Variants in DUS2 observed in about 807,000 individuals in gnomAD.
The protein encoded by DUS2 is dihydrouridine synthase 2.
In DUS2, 52 loss-of-function variants were observed where a neutral mutation model predicts 71.3. The observed-to-expected ratio is 0.73, with a 90% confidence interval of 0.58 to 0.92. The LOEUF is 0.92. DUS2 is among the 40% of genes least tolerant of loss of function. The probability of loss-of-function intolerance (pLI) is 0.00; values close to 1 mark genes in which losing one functional copy is unlikely to be tolerated. For missense variants in DUS2, 558 were observed against 622.6 expected (o/e 0.90, Z 1.10); for synonymous variants, 204 against 227.8 (o/e 0.90, Z 0.94).
chr16:68,061,880 C>T (rs959488435), intron 8 of DUS2, among the ~76,000 whole-genome samples: 3 of 152,206 alleles, frequency 2.0e-5, no homozygotes, highest in Admixed American at 1.3e-4. Flanking sequence ...GTGCCAGCAG[C>T]CCAACCCTGC....
intron 2 of DUS2, among the ~76,000 whole-genome samples, chr16:68,029,411 G>A (rs1470758424): frequency 6.6e-6 from 1 of 151,958 alleles, no homozygotes; most frequent in African/African-American, 2.4e-5. Flanking sequence ...CCAGTGTTAG[G>A]ATTACAGGTG....
chr16:68,045,725 C>CT (rs998054175), intron 3 of DUS2, among the ~76,000 whole-genome samples: 2,318 of 132,998 alleles, frequency 0.017, 55 homozygotes, highest in African/African-American at 0.057. Context: ...ACTTTCTTTT[C>CT]TTTTTTTTTT....
At chr16:68,073,661 C>G (rs1027721253) in intron 12 of DUS2, among the ~76,000 whole-genome samples, 3 of 152,132 alleles carry the variant, frequency 2.0e-5, no homozygotes, top group Admixed American at 2.0e-4. Context: ...GTTGGTCAGG[C>G]TGGTCTTGAA....
At chr16:68,063,534 G>A (rs2033968420) in intron 8 of DUS2, among the ~76,000 whole-genome samples, 1 of 152,064 alleles carries the variant, frequency 6.6e-6, no homozygotes, top group South Asian at 2.1e-4. Context: ...GTTTAAGATG[G>A]CAAATTTCAT....
At chr16:68,023,483 G>A in intron 1 of DUS2, 132 bp downstream of exon 1, 1 of 459,886 alleles carries the variant, frequency 2.2e-6, no homozygotes, top group South Asian at 3.8e-5. Context: ...GACCATGAGG[G>A]CGGAGGGCTT....
At chr16:68,069,877 T>A (rs2034059245) in intron 10 of DUS2, among the ~76,000 whole-genome samples, 1 of 152,104 alleles carries the variant, frequency 6.6e-6, no homozygotes, top group Admixed American at 6.5e-5. Flanking sequence ...CATGCCCCCC[T>A]GCAGCCAGGC....
intron 12 of DUS2, among the ~76,000 whole-genome samples, chr16:68,073,649 A>G (rs2034117347): frequency 6.6e-6 from 1 of 152,008 alleles, no homozygotes; most frequent in Admixed American, 6.6e-5. Flanking sequence ...GGGCTTCACC[A>G]TGTTGGTCAG....
chr16:68,026,710 TTACAAAAA>T (rs2033356099), intron 2 of DUS2, among the ~76,000 whole-genome samples: 2 of 151,780 alleles, frequency 1.3e-5, no homozygotes, highest in African/African-American at 4.8e-5. Flanking sequence ...AACCCTTTCT[TTACAAAAA>T]TACAAAAATT....
At chr16:68,066,797 C>T (rs548417968) in intron 10 of DUS2, among the ~76,000 whole-genome samples, 161 bp downstream of exon 10, 2 of 152,304 alleles carry the variant, frequency 1.3e-5, no homozygotes, top group African/African-American at 4.8e-5. Context: ...GGAGGGCAGG[C>T]AGACCCTGAA....
rs765659400 is a variant in DUS2 at position 68,078,567 on chromosome 16, G to T, written c.1244+49G>T. On this transcript the variant is annotated intron_variant, in intron 16 of 16. Coordinates refer to ENST00000565263, the MANE Select transcript of DUS2 (RefSeq NM_017803.5). Reference sequence around the variant, plus strand: ...GGAGGCTTGGGGTGGGGCGGAGAGTGGGCATTCTGCCCACACATCCAGCAT... The same window carrying T: ...GGAGGCTTGGGGTGGGGCGGAGAGTTGGCATTCTGCCCACACATCCAGCAT... The T allele has an allele frequency of 1.9e-6, 3 of 1,588,234 alleles. No individual in the cohort carries two copies. The East Asian group carries it at 6.7e-5, about 35-fold the overall frequency.
At chr16:68,032,175 CCTT>C (rs1415705296) in intron 2 of DUS2, among the ~76,000 whole-genome samples, 2 of 152,150 alleles carry the variant, frequency 1.3e-5, no homozygotes, top group Admixed American at 1.3e-4. Context: ...AGAGGAGCCT[CCTT>C]AGAGGCAGGG....
At chr16:68,070,803 T>A (rs555169526) in intron 11 of DUS2, 137 bp from the exon 12 acceptor site, 2 of 809,706 alleles carry the variant, frequency 2.5e-6, no homozygotes, top group South Asian at 3.4e-5. Flanking sequence ...ATATCCACTT[T>A]ACTGAAGCTC....
At chr16:68,059,963 C>G (rs1031453208) in intron 7 of DUS2, among the ~76,000 whole-genome samples, 7 of 152,102 alleles carry the variant, frequency 4.6e-5, no homozygotes, top group Non-Finnish European at 1.5e-5. Context: ...TTGGTAGTTT[C>G]CATTTCCTGG....
Position 68,053,592 on chromosome 16 carries a change from C to G in DUS2, c.201C>G (p.Ala67=), listed in dbSNP as rs759059644. The change falls in exon 5 of 17, where the codon GCC becomes GCG. Residue 67 remains alanine, a synonymous_variant. Coordinates refer to ENST00000565263, the MANE Select transcript of DUS2 (RefSeq NM_017803.5). ...NEVLSTVDFV[A]PDDRVVFRTC... is the part of the protein sequence containing the mutation. ...TGCTCAGCACAGTGGACTTTGTCGC[C>G]CCTGATGATCGAGTTGTCTTCCGCA... 6.2e-7 allele frequency: 1 copy of G among 1,614,182 alleles called. No individual in the cohort carries two copies. The highest frequency in any genetic ancestry group is 2.2e-5 in the East Asian group (1 of 44,880).
chr16:68,042,117 A>G (rs1235626070), intron 3 of DUS2, among the ~76,000 whole-genome samples: 7 of 152,186 alleles, frequency 4.6e-5, no homozygotes, highest in Non-Finnish European at 7.3e-5. Context: ...ATCATACAAT[A>G]TTTATTGTTT....
chr16:68,050,722 T>G lies in DUS2; in HGVS notation c.172+1172T>G, dbSNP rs527919556. ...ATATTTATCTATCTCCCCACCCCAT[T>G]TGATCATACAACACGTGTTGTTTTG... On this transcript the variant is annotated intron_variant, in intron 4 of 16. Coordinates refer to ENST00000565263, the MANE Select transcript of DUS2 (RefSeq NM_017803.5). Among the ~76,000 whole-genome samples, 7 of 152,286 alleles carry G rather than the reference T, an allele frequency of 4.6e-5. No individual in the cohort carries two copies. The East Asian group carries it at 9.6e-4, about 21-fold the overall frequency.
chr16:68,057,605 C>T (rs1286111993), intron 7 of DUS2, among the ~76,000 whole-genome samples: 3 of 151,672 alleles, frequency 2.0e-5, no homozygotes, highest in African/African-American at 4.8e-5. Flanking sequence ...AAAGGCCAGG[C>T]CTGGTGGCTC....
intron 7 of DUS2, among the ~76,000 whole-genome samples, chr16:68,060,401 C>T (rs955119066): frequency 2.0e-5 from 3 of 152,112 alleles, no homozygotes; most frequent in Non-Finnish European, 2.9e-5. Context: ...GCAACCTCCA[C>T]CTCCTGGGTT....
chr16:68,042,710 A>G (rs1193998668), intron 3 of DUS2, among the ~76,000 whole-genome samples: 1 of 150,212 alleles, frequency 6.7e-6, no homozygotes, highest in African/African-American at 2.4e-5. Flanking sequence ...TTTTTATTTT[A>G]TTTTTATTTT....
Sources: allele counts gnomAD v4.1 joint callset (sites outside exome capture counted in the v4.1 genomes callset), GRCh38; gene constraint gnomAD v4.1.1; transcripts MANE v1.5; gene names NCBI Gene and HGNC (gene_info 2026-07-23, HGNC 2026-07-21).